The following MINPP1 variants were observed in gnomAD, a reference collection of about 807,000 sequenced individuals.
MINPP1 encodes multiple inositol polyphosphate phosphatase 1.
Under a neutral mutation model 46.1 loss-of-function variants are expected in MINPP1, and 28 were observed. The observed-to-expected ratio is 0.61, with a 90% CI of 0.45 to 0.83. The LOEUF (loss-of-function observed/expected upper bound fraction) is 0.83, where lower values mean the gene tolerates loss of function less well. Ranked by LOEUF, MINPP1 falls within the 40% of genes least tolerant of loss-of-function variation. MINPP1 has a pLI of 0.00. For missense variants in MINPP1, 603 were observed against 610.0 expected (o/e 0.99, Z 0.12); for synonymous variants, 268 against 249.1 (o/e 1.08, Z -0.72).
intron 4 of MINPP1, among the ~76,000 whole-genome samples, chr10:87,541,727 G>A (rs1851818062): frequency 6.6e-6 from 1 of 152,236 alleles, no homozygotes; most frequent in South Asian, 2.1e-4. Flanking sequence ...AAGGGAGCCA[G>A]TGTACCACAT....
chr10:87,509,043 T>G (rs1337198256), intron 2 of MINPP1, among the ~76,000 whole-genome samples: 1 of 152,212 alleles, frequency 6.6e-6, no homozygotes, highest in Non-Finnish European at 1.5e-5. Context: ...TTGCAGTGGA[T>G]GGGCTGACTA....
chr10:87,514,586 A>G (rs1226078500), intron 3 of MINPP1, among the ~76,000 whole-genome samples: 2 of 152,004 alleles, frequency 1.3e-5, no homozygotes, highest in East Asian at 3.8e-4. Flanking sequence ...ATGTTTTTGG[A>G]TGTGTCTGAT....
chr10:87,546,459 G>C (rs1851888117), intron 4 of MINPP1: 1 of 152,232 alleles, frequency 6.6e-6, no homozygotes, highest in Admixed American at 6.5e-5. Context: ...TTTATCAGCA[G>C]GGTCCTTGTG....
chr10:87,547,699 T>G (rs556235674), intron 4 of MINPP1, among the ~76,000 whole-genome samples: 1 of 152,304 alleles, frequency 6.6e-6, no homozygotes, highest in Admixed American at 6.5e-5. Flanking sequence ...AAGTGTTAGG[T>G]ACTAATATTT....
chr10:87,533,973 T>A (rs536095817), intron 4 of MINPP1, among the ~76,000 whole-genome samples: 1 of 152,162 alleles, frequency 6.6e-6, no homozygotes, highest in Non-Finnish European at 1.5e-5. Flanking sequence ...TCCATGGAGT[T>A]TAGCCAGGGG....
At chr10:87,544,941 A>G (rs1851866863) in intron 4 of MINPP1, among the ~76,000 whole-genome samples, 1 of 152,190 alleles carries the variant, frequency 6.6e-6, no homozygotes, top group South Asian at 2.1e-4. Context: ...TTTGAGATAA[A>G]GCAAAAAATA....
chr10:87,514,447 A>C (rs1290915016), intron 3 of MINPP1, among the ~76,000 whole-genome samples: 1 of 152,180 alleles, frequency 6.6e-6, no homozygotes, highest in Non-Finnish European at 1.5e-5. Flanking sequence ...TCAGGATCTA[A>C]TAAGGGATCA....
At chr10:87,541,224 T>C (rs1438147754) in intron 4 of MINPP1, among the ~76,000 whole-genome samples, 1 of 152,236 alleles carries the variant, frequency 6.6e-6, no homozygotes. Context: ...CTTTTGGTCA[T>C]AGATAATTAC....
chr10:87,513,146 C>A lies in MINPP1; in HGVS notation c.858C>A (p.Phe286Leu). The A allele has an allele frequency of 6.2e-7, 1 of 1,613,674 alleles. No homozygotes were observed. Among genetic ancestry groups the A allele is most frequent in the Non-Finnish European group, 8.5e-7 (1 of 1,179,760 alleles). ...CAGATTTAATTCAAGTAGCCTTTTT[C>A]ACCTGTTCATTTGACCTGGCAATTA... is the stretch of plus-strand genomic sequence containing the variant. ...LNADLIQVAF[F>L]TCSFDLAIKG... The change falls in exon 3 of 5, where the codon TTC becomes TTA. Residue 286 changes from phenylalanine to leucine, a missense_variant. Physicochemically the swap from Phe to Leu is conservative, Grantham distance 22. Around this residue, in one of 3 missense-constraint regions of MINPP1, gnomAD observed 344 missense variants for 381.1 expected, o/e 0.90. Coordinates refer to ENST00000371996, the MANE Select transcript of MINPP1 (RefSeq NM_004897.5).
intron 4 of MINPP1, among the ~76,000 whole-genome samples, chr10:87,531,146 C>T (rs1352886763): frequency 6.6e-6 from 1 of 152,202 alleles, no homozygotes; most frequent in Non-Finnish European, 1.5e-5. Flanking sequence ...ACCCCGTGCG[C>T]TTCCCGGGTG....
At chr10:87,539,370 T>C (rs1851781532) in intron 4 of MINPP1, among the ~76,000 whole-genome samples, 1 of 152,204 alleles carries the variant, frequency 6.6e-6, no homozygotes, top group South Asian at 2.1e-4. Flanking sequence ...TGTAATTCCT[T>C]TTCTTTGGGA....
intron 2 of MINPP1, among the ~76,000 whole-genome samples, chr10:87,510,386 A>G (rs1851318086): frequency 6.6e-6 from 1 of 152,242 alleles, no homozygotes; most frequent in Admixed American, 6.5e-5. Flanking sequence ...TTCATGGGAC[A>G]TATGAATGAC....
intron 4 of MINPP1, among the ~76,000 whole-genome samples, chr10:87,521,767 A>G (rs1007874509): frequency 2.0e-5 from 3 of 152,248 alleles, no homozygotes; most frequent in Non-Finnish European, 4.4e-5. Context: ...TATGAACTCT[A>G]TGTGGCTCCT....
intron 4 of MINPP1, among the ~76,000 whole-genome samples, chr10:87,527,398 G>A (rs1377118089): frequency 2.0e-5 from 3 of 152,136 alleles, no homozygotes; most frequent in Non-Finnish European, 4.4e-5. Flanking sequence ...TATGATATTG[G>A]TTGTGGGTTT....
At chr10:87,550,180 A>G (rs939650307) in intron 4 of MINPP1, among the ~76,000 whole-genome samples, 2 of 152,214 alleles carry the variant, frequency 1.3e-5, no homozygotes, top group African/African-American at 4.8e-5. Flanking sequence ...GATTTTTAAG[A>G]ATCTTAAACC....
intron 3 of MINPP1, among the ~76,000 whole-genome samples, chr10:87,518,994 G>A (rs1359642969): frequency 6.6e-6 from 1 of 152,072 alleles, no homozygotes; most frequent in Admixed American, 6.5e-5. Flanking sequence ...CCCTTTCAGG[G>A]CAGGATCTTA....
chr10:87,509,336 A>G (rs961849679), intron 2 of MINPP1, among the ~76,000 whole-genome samples: 1 of 152,216 alleles, frequency 6.6e-6, no homozygotes, highest in Non-Finnish European at 1.5e-5. Flanking sequence ...TATCAGTCAC[A>G]GGGCCTGGAT....
At chr10:87,522,042 C>T (rs1283439462) in intron 4 of MINPP1, among the ~76,000 whole-genome samples, 1 of 152,104 alleles carries the variant, frequency 6.6e-6, no homozygotes, top group Non-Finnish European at 1.5e-5. Context: ...GTGGTGATTA[C>T]ACAGACAGCT....
At chr10:87,518,072 G>GC (rs1851439333) in intron 3 of MINPP1, among the ~76,000 whole-genome samples, 1 of 149,684 alleles carries the variant, frequency 6.7e-6, no homozygotes, top group Non-Finnish European at 1.5e-5. Flanking sequence ...CCATTCTGCT[G>GC]CCTCAGCCTC....
Sources: gnomAD v4.1 joint callset for allele counts (sites outside exome capture counted in the v4.1 genomes callset) on GRCh38, gnomAD v4.1.1 for gene constraint, gnomAD v4.1.1 regional missense constraint, MANE v1.5 for transcripts, NCBI Gene and HGNC (gene_info 2026-07-23, HGNC 2026-07-21) for gene names.